Variants in MARVELD2 observed in about 807,000 individuals in gnomAD.
MARVELD2 encodes the protein MARVEL domain containing 2, also known as MARVEL domain-containing protein 2.
MARVELD2 carries 49 observed loss-of-function variants against 57.6 expected under a neutral mutation model. That is an observed-to-expected ratio of 0.85 (90% CI 0.68 to 1.08). MARVELD2 has a LOEUF of 1.08. Among genes scored for constraint, MARVELD2 ranks in the 50% least tolerant of loss-of-function variants. The pLI, the probability that MARVELD2 is intolerant of heterozygous loss-of-function variation, is 0.00. For synonymous variants in MARVELD2, 238 were observed against 258.8 expected (o/e 0.92, Z 0.77); for missense variants, 606 against 701.1 (o/e 0.86, Z 1.53).
In MARVELD2 at chr5:69,420,508, A is replaced by G. The variant is rs1331987143; in HGVS notation, c.1123A>G (p.Arg375Gly). 1.2e-6 allele frequency: 2 copies of G among 1,612,108 alleles called. No homozygotes were observed. The highest frequency in any genetic ancestry group is 1.1e-5 in the South Asian group (1 of 91,088). The change falls in exon 2 of 7, where the codon AGA (arginine) becomes GGA (glycine). Residue 375 changes from arginine to glycine, a missense_variant. By Grantham distance (125) the Arg-to-Gly change is moderately radical (BLOSUM62 -2). Transcript: ENST00000325631. Reference sequence around the variant, plus strand: ...GAGGCATGAGGCAGCTCGGAGACATAGAGAATATATGGAACAACAGGAGGT... The same window carrying G: ...GAGGCATGAGGCAGCTCGGAGACATGGAGAATATATGGAACAACAGGAGGT... ...LWRHEAARRH[R>G]EYMEQQEINE...
chr5:69,425,729 A>G (rs1425583491), intron 3 of MARVELD2, among the ~76,000 whole-genome samples: 6 of 145,794 alleles, frequency 4.1e-5, no homozygotes, highest in Admixed American at 7.0e-5. Context: ...ATTAATAATA[A>G]TAATACTTTT....
intron 1 of MARVELD2, among the ~76,000 whole-genome samples, chr5:69,417,972 G>C (rs1243157192): frequency 6.6e-6 from 1 of 151,946 alleles, no homozygotes; most frequent in African/African-American, 2.4e-5. Flanking sequence ...GCTGGGTATG[G>C]TGGCATGCAC....
chr5:69,430,380 T>C (rs552541276), intron 3 of MARVELD2, among the ~76,000 whole-genome samples: 3 of 152,050 alleles, frequency 2.0e-5, no homozygotes, highest in African/African-American at 7.2e-5. Context: ...AAAAAATATA[T>C]TTTTTTAATT....
chr5:69,441,636 T>C lies in MARVELD2; in HGVS notation c.1659T>C (p.Asp553=). 6.3e-7 allele frequency: 1 copy of C among 1,578,578 alleles called. No homozygotes were observed. The highest frequency in any genetic ancestry group is 1.1e-5 in the South Asian group (1 of 89,730). Reference sequence around the variant, plus strand: ...AATATGATAAAGTAATGAATTGGGATGTACAAGGTTATTCTTAACGCTTAT... The same window carrying C: ...AATATGATAAAGTAATGAATTGGGACGTACAAGGTTATTCTTAACGCTTAT... ...IQEYDKVMNW[D]VQGYS The change falls in exon 7 of 7, where the codon GAT becomes GAC. Residue 553 remains aspartate (D), a synonymous_variant. Transcript: ENST00000325631.
At chr5:69,429,822 G>T (rs1259693777) in intron 3 of MARVELD2, among the ~76,000 whole-genome samples, 2 of 143,606 alleles carry the variant, frequency 1.4e-5, no homozygotes, top group African/African-American at 2.6e-5. Flanking sequence ...CTCCAGCCTG[G>T]GTGGCACAGT....
rs1272660679 is a variant in MARVELD2 at position 69,442,534 on chromosome 5, A to C, written c.*880A>C. On this transcript the variant is annotated 3_prime_UTR_variant, in exon 7 of 7. Transcript: ENST00000325631. ...TTACTAATATGGTAGGAACTATATT[A>C]GTGTTTGTGAAGTCTACTGAAGTGT... 1 of 152,184 alleles carries C rather than the reference A, an allele frequency of 6.6e-6. No individual in the cohort carries two copies. Among genetic ancestry groups the C allele is most frequent in the Non-Finnish European group, 1.5e-5 (1 of 68,032 alleles). 9.4% of individuals were successfully genotyped at this position (152,184 alleles called of 1,614,324 possible).
At chr5:69,437,693 AAAC>A (rs1767198843) in intron 5 of MARVELD2, among the ~76,000 whole-genome samples, 4 of 151,760 alleles carry the variant, frequency 2.6e-5, no homozygotes, top group African/African-American at 7.3e-5. Flanking sequence ...CAAAAAAAAA[AAAC>A]AAAGAAAATC....
Position 69,441,645 on chromosome 5 carries a change from T to G in MARVELD2, c.1668T>G (p.Gly556=). The G allele has an allele frequency of 6.4e-7, 1 of 1,573,198 alleles. No individual in the cohort carries two copies. Among genetic ancestry groups the G allele is most frequent in the Non-Finnish European group, 8.7e-7 (1 of 1,145,384 alleles). The change falls in exon 7 of 7, where the codon GGT becomes GGG. Residue 556 remains glycine, a synonymous_variant. Coordinates refer to ENST00000325631, the MANE Select transcript of MARVELD2 (RefSeq NM_001038603.3). ...YDKVMNWDVQ[G]YS ...AAGTAATGAATTGGGATGTACAAGG[T>G]TATTCTTAACGCTTATTTGAAACCA...
intron 3 of MARVELD2, among the ~76,000 whole-genome samples, chr5:69,430,225 A>C (rs984503579): frequency 1.3e-5 from 2 of 151,956 alleles, no homozygotes; most frequent in African/African-American, 4.8e-5. Context: ...AAAATTAGCC[A>C]GTCATGGTGG....
At chr5:69,418,061 T>C (rs1396525677) in intron 1 of MARVELD2, among the ~76,000 whole-genome samples, 2 of 152,074 alleles carry the variant, frequency 1.3e-5, no homozygotes, top group East Asian at 3.9e-4. Flanking sequence ...TGAGCTATGA[T>C]TGTGCTCCTA....
rs771384203 is a variant in MARVELD2 at position 69,420,095 on chromosome 5, G to C, written c.710G>C (p.Gly237Ala). Reference protein sequence around the residue: ...YSQPYGMGGVGGLGSMYGGYY... With the variant: ...YSQPYGMGGVAGLGSMYGGYY... The stretch of plus-strand genomic sequence containing the variant: ...CAACCGTATGGCATGGGAGGCGTTG[G>C]TGGATTGGGCAGTATGTATGGGGGC... Residue 237 changes from glycine (G) to alanine (A), a missense_variant, in exon 2 of 7, where the codon GGT becomes GCT. By Grantham distance (60) the Gly-to-Ala change is moderately conservative. Coordinates refer to ENST00000325631, the MANE Select transcript of MARVELD2 (RefSeq NM_001038603.3). 1.9e-6 allele frequency: 3 copies of C among 1,614,002 alleles called. No homozygotes were observed. The East Asian group carries it at 6.7e-5, about 36-fold the overall frequency.
intron 2 of MARVELD2, 124 bp downstream of exon 2, chr5:69,420,655 T>A: frequency 4.8e-5 from 15 of 310,002 alleles, no homozygotes; most frequent in Non-Finnish European, 6.9e-5. Flanking sequence ...TCTTTCTTCC[T>A]TTTTTTTTTT....
In MARVELD2 at chr5:69,437,972, C is replaced by A. The variant is rs374947041; in HGVS notation, c.1504-2478C>A. Among the ~76,000 whole-genome samples, 47 of 152,248 alleles carry A rather than the reference C, an allele frequency of 3.1e-4. 2 individuals carry two copies. Among genetic ancestry groups the A allele is most frequent in the East Asian group, 1.2e-3 (6 of 5,174 alleles). On this transcript the variant is annotated intron_variant, in intron 5 of 6. Coordinates refer to ENST00000325631, the MANE Select transcript of MARVELD2 (RefSeq NM_001038603.3). ...TATTATTATCAGTGTATCCTCCAGT[C>A]CTTATCTAAAGTAGAAATATTAACC...
intron 5 of MARVELD2, among the ~76,000 whole-genome samples, chr5:69,436,745 G>A (rs1369707923): frequency 2.6e-5 from 4 of 152,180 alleles, no homozygotes; most frequent in African/African-American, 9.7e-5. Context: ...CGTCAAAGGA[G>A]TGCAGGAAGG....
intron 5 of MARVELD2, among the ~76,000 whole-genome samples, chr5:69,436,369 C>CA: frequency 1.4e-5 from 2 of 139,588 alleles, no homozygotes; most frequent in African/African-American, 2.8e-5. Context: ...AAAAAACAAA[C>CA]AAAAAAAACT....
intron 1 of MARVELD2, among the ~76,000 whole-genome samples, chr5:69,416,517 T>C (rs759954526): frequency 6.6e-6 from 1 of 152,118 alleles, no homozygotes; most frequent in Non-Finnish European, 1.5e-5. Context: ...AGTCTGCTGC[T>C]CCCCAAGGCT....
In MARVELD2 at chr5:69,419,283, A is replaced by C. The variant is rs960345982; in HGVS notation, c.-15-88A>C. 4.6e-6 allele frequency: 6 copies of C among 1,303,090 alleles called. No homozygotes were observed. In the African/African-American group the frequency reaches 7.3e-5, roughly 16 times the overall value. The allele number at this position is 1,303,090 out of a possible 1,614,324, so 80.7% of individuals were successfully genotyped here. ...TAGACATGATCCTGTTGGTCTCCTA[A>C]ATACTTTTTGCTACTACATGAATAA... is the stretch of plus-strand genomic sequence containing the variant. On this transcript the variant is annotated intron_variant, in intron 1 of 6. Coordinates refer to ENST00000325631, the MANE Select transcript of MARVELD2 (RefSeq NM_001038603.3).
At chr5:69,415,288 GGGGGAGGCCGGAGCCAGGGATCC>G (rs1190180204) in intron 1 of MARVELD2, 118 bp downstream of exon 1, 4 of 152,184 alleles carry the variant, frequency 2.6e-5, no homozygotes, top group Admixed American at 2.6e-4. Flanking sequence ...CATAGCCCGC[GGGGGAGGCCGGAGCCAGGGATCC>G]GGGGAGGCCC....
intron 2 of MARVELD2, among the ~76,000 whole-genome samples, chr5:69,423,711 A>G (rs299096): frequency 0.5 from 75,456 of 151,748 alleles, 18,754 homozygotes; most frequent in South Asian, 0.53. Context: ...GGCCTCAAGC[A>G]ATCCTCTCCC....
Sources: allele counts gnomAD v4.1 joint callset (sites outside exome capture counted in the v4.1 genomes callset), GRCh38; gene constraint gnomAD v4.1.1; transcripts MANE v1.5; gene names NCBI Gene and HGNC (gene_info 2026-07-23, HGNC 2026-07-21).